Variants in SNRK observed in about 807,000 individuals in gnomAD.
SNRK encodes the protein SNF related kinase, also known as SNF-related serine/threonine-protein kinase.
Under a neutral mutation model 48.2 loss-of-function variants are expected in SNRK, and 3 were observed. That is an observed-to-expected ratio of 0.06 (90% confidence interval 0.03 to 0.16). The LOEUF is 0.16. SNRK is among the 10% of genes least tolerant of loss of function. The pLI is 1.00. For missense variants in SNRK, 627 were observed against 976.0 expected (o/e 0.64, Z 4.76); for synonymous variants, 376 against 366.1 (o/e 1.03, Z -0.31).
At chr3:43,339,818 AATATATATATATAT>A (rs71083066) in intron 4 of SNRK, among the ~76,000 whole-genome samples, 1,570 of 66,396 alleles carry the variant, frequency 0.024, 62 homozygotes, top group East Asian at 0.053. Context: ...CCATTTCCAA[AATATATATATATAT>A]ATATATATAT....
At chr3:43,331,275 A>C (rs143698707) in intron 3 of SNRK, among the ~76,000 whole-genome samples, 1 of 152,168 alleles carries the variant, frequency 6.6e-6, no homozygotes, top group Non-Finnish European at 1.5e-5. Context: ...AGTCCTTTTC[A>C]TCTTAAAAAT....
At chr3:43,288,255 A>G (rs1240517359) in intron 1 of SNRK, among the ~76,000 whole-genome samples, 1 of 152,136 alleles carries the variant, frequency 6.6e-6, no homozygotes, top group Non-Finnish European at 1.5e-5. Context: ...TTAAATTTGT[A>G]TAATCAGTTT....
intron 3 of SNRK, among the ~76,000 whole-genome samples, chr3:43,311,370 C>T (rs1023156057): frequency 6.6e-6 from 1 of 152,148 alleles, no homozygotes; most frequent in Admixed American, 6.6e-5. Context: ...GGGGCTCTGG[C>T]TTCCTCTTTC....
chr3:43,344,904 A>T (rs2125648629), intron 6 of SNRK, among the ~76,000 whole-genome samples: 1 of 151,776 alleles, frequency 6.6e-6, no homozygotes, highest in East Asian at 1.9e-4. Context: ...TTAGATTTGA[A>T]CTCTCTTCTA....
At position 43,310,812 on chromosome 3, in the gene SNRK, C is replaced by G. The variant is rs550771612; in HGVS notation, c.589+7020C>G. Reference sequence around the variant, plus strand: ...ACTACATTTCATTGATTCGGTGGAGCATATTTTGTTTTTTTTATTTTAACA... The same window carrying G: ...ACTACATTTCATTGATTCGGTGGAGGATATTTTGTTTTTTTTATTTTAACA... On this transcript the variant is annotated intron_variant, in intron 3 of 6. Transcript: ENST00000296088. Among the ~76,000 whole-genome samples the G allele has an allele frequency of 4.8e-4, 73 of 152,212 alleles. No homozygotes were observed. In the Middle Eastern group the frequency reaches 0.017, roughly 35 times the overall value.
chr3:43,297,213 G>A (rs932193018), intron 1 of SNRK, among the ~76,000 whole-genome samples: 9 of 152,150 alleles, frequency 5.9e-5, no homozygotes, highest in African/African-American at 2.2e-4. Context: ...ACTTCATGTC[G>A]AAAATCTTAG....
intron 5 of SNRK, among the ~76,000 whole-genome samples, chr3:43,342,254 C>T (rs1035166770): frequency 3.9e-5 from 6 of 152,162 alleles, no homozygotes; most frequent in African/African-American, 9.7e-5. Context: ...GCTGGGTGAG[C>T]GTCTTGCTGT....
At chr3:43,309,834 T>G (rs1296233833) in intron 3 of SNRK, among the ~76,000 whole-genome samples, 1 of 152,130 alleles carries the variant, frequency 6.6e-6, no homozygotes, top group Non-Finnish European at 1.5e-5. Context: ...TGGGCTGGTC[T>G]TGATAAAGTT....
Position 43,340,456 on chromosome 3 carries a change from C to T in SNRK, c.901C>T (p.Arg301Cys), listed in dbSNP as rs769334631. The T allele has an allele frequency of 5.0e-6, 8 of 1,614,040 alleles. No homozygotes were observed. Among genetic ancestry groups the T allele is most frequent in the East Asian group, 2.2e-5 (1 of 44,884 alleles). Residue 301 changes from arginine to cysteine, a missense_variant, in exon 5 of 7, where the codon CGC becomes TGC. Around this residue, in one of 4 missense-constraint regions of SNRK, gnomAD observed 175 missense variants for 209.7 expected, o/e 0.83. Transcript: ENST00000296088. Reference protein sequence around the residue: ...SEEEHNSIIQRMVLGDIADRD... With the variant: ...SEEEHNSIIQCMVLGDIADRD... ...AGAGGAGCACAACAGCATCATTCAG[C>T]GCATGGTGCTTGGGGACATAGCGGA... is the stretch of plus-strand genomic sequence containing the variant.
chr3:43,348,284 C>T lies in SNRK; in HGVS notation c.2025C>T (p.Ser675=). Residue 675 remains serine (S), a synonymous_variant, in exon 7 of 7, where the codon TCC becomes TCT. Transcript: ENST00000296088. ...IIDPQNGLSF[S]SVKVQEKSTW... The stretch of plus-strand genomic sequence containing the variant: ...ATCCACAGAATGGCTTGTCATTTTC[C>T]AGTGTGAAAGTCCAAGAGAAATCTA... 1 of 1,614,088 alleles carries T rather than the reference C, an allele frequency of 6.2e-7. No individual in the cohort carries two copies. Among genetic ancestry groups the T allele is most frequent in the Non-Finnish European group, 8.5e-7 (1 of 1,179,954 alleles).
At chr3:43,344,965 C>A (rs1413855078) in intron 6 of SNRK, among the ~76,000 whole-genome samples, 1 of 152,088 alleles carries the variant, frequency 6.6e-6, no homozygotes, top group East Asian at 1.9e-4. Flanking sequence ...ATATGTGAGA[C>A]CAACATTAGC....
Position 43,347,832 on chromosome 3 carries a change from C to T in SNRK, c.1573C>T (p.Arg525Cys), listed in dbSNP as rs766970075. The change falls in exon 7 of 7, where the codon CGC becomes TGC. Residue 525 changes from arginine (R) to cysteine (C), a missense_variant. By Grantham distance (180) the Arg-to-Cys change is radical. Coordinates refer to ENST00000296088, the MANE Select transcript of SNRK (RefSeq NM_017719.5). This position sits in a 1 kb window ranked among gnomAD's most constrained non-coding sequence, Gnocchi z 5.4. ...NIASPGTVHKRYHRRKSQGRG... is the reference protein window; with the variant it reads ...NIASPGTVHKCYHRRKSQGRG... ...AGCTTCTCCAGGTACAGTTCACAAA[C>T]GCTACCACCGGAGGAAAAGTCAGGG... is the stretch of plus-strand genomic sequence containing the variant. 23 of 1,614,004 alleles carry T rather than the reference C, an allele frequency of 1.4e-5. No individual in the cohort carries two copies. The highest frequency in any genetic ancestry group is 1.6e-4 in the Middle Eastern group (1 of 6,084).
At chr3:43,341,100 T>TA (rs2091232431) in intron 5 of SNRK, among the ~76,000 whole-genome samples, 1 of 152,174 alleles carries the variant, frequency 6.6e-6, no homozygotes, top group South Asian at 2.1e-4. Flanking sequence ...GCCTGCAAGT[T>TA]ATACAAGTTG....
chr3:43,335,979 G>A (rs1307828801), intron 4 of SNRK, among the ~76,000 whole-genome samples: 4 of 152,084 alleles, frequency 2.6e-5, no homozygotes, highest in Admixed American at 6.5e-5. Context: ...GGCTGGAGCC[G>A]AGTTTTTCTT....
intron 1 of SNRK, among the ~76,000 whole-genome samples, chr3:43,295,217 A>G (rs1362166434): frequency 3.9e-5 from 6 of 152,202 alleles, no homozygotes; most frequent in African/African-American, 1.4e-4. Context: ...TGATTTGCCT[A>G]ACTCCTGAGT....
chr3:43,340,167 A>T, intron 4 of SNRK, 120 bp from the exon 5 acceptor site: 2 of 789,098 alleles, frequency 2.5e-6, no homozygotes, highest in Non-Finnish European at 4.3e-6. Flanking sequence ...CCCCACTGCC[A>T]CCACTAGTGC....
rs1295617604 is a variant in SNRK, at chr3:43,301,663, C to T, written c.-106-1435C>T. ...AACTTACCTATTATATGTCAAATTT[C>T]GTTTTTTGGGATATTTTTATCTAAG... On this transcript the variant is annotated intron_variant, in intron 2 of 6. Coordinates refer to ENST00000296088, the MANE Select transcript of SNRK (RefSeq NM_017719.5). 2.6e-5 allele frequency among the ~76,000 whole-genome samples: 4 copies of T among 152,002 alleles called. No homozygotes were observed. In the South Asian group the frequency reaches 8.3e-4, roughly 32 times the overall value.
chr3:43,300,343 A>C (rs1000703849), intron 2 of SNRK, among the ~76,000 whole-genome samples: 2 of 152,080 alleles, frequency 1.3e-5, no homozygotes, highest in African/African-American at 4.8e-5. Context: ...TTTTTCATTT[A>C]TTTTTGTAAT....
chr3:43,346,223 A>T lies in SNRK; in HGVS notation c.1080-1116A>T, dbSNP rs375240383. On this transcript the variant is annotated intron_variant, in intron 6 of 6. Coordinates refer to ENST00000296088, the MANE Select transcript of SNRK (RefSeq NM_017719.5). ...TACTGCTTCTTAGCTTCAAATTTAA[A>T]TTTTTTTTTAATGACAGGTTTATTT... Among the ~76,000 whole-genome samples the T allele has an allele frequency of 1.5e-4, 23 of 151,742 alleles. No homozygotes were observed. The South Asian group carries it at 3.5e-3, about 23-fold the overall frequency.
Sources: gnomAD v4.1 joint callset for allele counts (sites outside exome capture counted in the v4.1 genomes callset) on GRCh38, gnomAD v4.1.1 for gene constraint, gnomAD v4.1.1 regional missense constraint, Gnocchi (gnomAD v3.1) non-coding constraint, MANE v1.5 for transcripts, NCBI Gene and HGNC (gene_info 2026-07-23, HGNC 2026-07-21) for gene names.